SIN3A: variants seen among roughly 807,000 people sequenced by gnomAD.
SIN3A encodes SIN3 transcription regulator family member A.
In SIN3A, 14 loss-of-function variants were observed where a neutral mutation model predicts 146.1. The observed-to-expected ratio is 0.10, with a 90% confidence interval of 0.06 to 0.15. The LOEUF is 0.15. Among genes scored for constraint, SIN3A ranks in the 10% least tolerant of loss-of-function variants. The pLI is 1.00. For missense variants in SIN3A, 1,028 were observed against 1,576.0 expected, an observed-to-expected ratio of 0.65 and a Z score of 5.89; for synonymous variants, 572 against 572.0, an observed-to-expected ratio of 1.00 and a Z score of 0.00.
intron 2 of SIN3A, among the ~76,000 whole-genome samples, chr15:75,426,721 A>G (rs955550848): frequency 1.3e-5 from 2 of 152,112 alleles, no homozygotes; most frequent in South Asian, 2.1e-4. Context: ...CTTGAGTCCA[A>G]GAGTTCAAGA....
intron 15 of SIN3A, among the ~76,000 whole-genome samples, chr15:75,390,896 A>T (rs760919056): frequency 5.3e-5 from 8 of 152,216 alleles, no homozygotes; most frequent in Non-Finnish European, 1.2e-4. Context: ...ACTTCAACAA[A>T]AAGTTGACTA....
chr15:75,374,010 T>TA (rs1377354080), intron 20 of SIN3A, among the ~76,000 whole-genome samples: 1 of 152,182 alleles, frequency 6.6e-6, no homozygotes, highest in Non-Finnish European at 1.5e-5. Context: ...CTTTCAAACT[T>TA]AAAACAGCAC....
rs1347726791 is a variant in SIN3A, at chr15:75,400,064, A to G, written c.1830T>C (p.Tyr610=). 1 of 1,605,884 alleles carries G rather than the reference A, an allele frequency of 6.2e-7. No individual in the cohort carries two copies. The highest frequency in any genetic ancestry group is 8.5e-7 in the Non-Finnish European group (1 of 1,172,710). The change falls in exon 12 of 21, where the codon TAT becomes TAC. Residue 610 remains tyrosine (Y), a synonymous_variant. Transcript: ENST00000394947. ...SKKTQYEEHI[Y]RCEDERFELD... ...CCTCAAAGCGTTCATCTTCACAACG[A>G]TAAATATGTTCTTCATATTGAGTCT...
chr15:75,376,523 G>A (rs1186283076), intron 19 of SIN3A: 2 of 153,250 alleles, frequency 1.3e-5, no homozygotes. Flanking sequence ...AGTGAAAAAA[G>A]TTATCAGCTA....
intron 2 of SIN3A, 131 bp downstream of exon 2, chr15:75,430,052 CAGTT>C (rs775250663): frequency 2.2e-5 from 15 of 678,572 alleles, no homozygotes; most frequent in Non-Finnish European, 3.2e-5. Context: ...GGTGAGTACA[CAGTT>C]ATTTTTTTTT....
At chr15:75,395,634 G>C (rs940608617) in intron 13 of SIN3A, among the ~76,000 whole-genome samples, 1 of 152,090 alleles carries the variant, frequency 6.6e-6, no homozygotes. Context: ...GGTGTGGCTT[G>C]TGCCTGTAAT....
intron 19 of SIN3A, 133 bp from the exon 20 acceptor site, chr15:75,376,005 C>G: frequency 1.1e-6 from 1 of 876,722 alleles, no homozygotes; most frequent in South Asian, 1.6e-5. Flanking sequence ...CACAAATGTT[C>G]AGTTGTTTCA....
Position 75,433,414 on chromosome 15 carries a change from G to A in SIN3A, c.-33-3006C>T, listed in dbSNP as rs990271055. ...TTCTGATATCATACTCTATCTTTTG[G>A]CTGTTAAAATATCGTTTCTTTTATT... On this transcript the variant is annotated intron_variant, in intron 1 of 20. Transcript: ENST00000394947. Among the ~76,000 whole-genome samples, 15 of 152,108 alleles carry A rather than the reference G, an allele frequency of 9.9e-5. No homozygotes were observed. The Middle Eastern group carries it at 0.01, about 103-fold the overall frequency.
intron 1 of SIN3A, among the ~76,000 whole-genome samples, chr15:75,431,691 A>G (rs899257203): frequency 5.9e-5 from 9 of 152,092 alleles, no homozygotes; most frequent in Non-Finnish European, 1.3e-4. Context: ...AAGTCTACCC[A>G]AGATCTTTTC....
intron 3 of SIN3A, among the ~76,000 whole-genome samples, chr15:75,416,439 C>A (rs1360824721): frequency 4.6e-5 from 7 of 152,324 alleles, no homozygotes; most frequent in Admixed American, 2.6e-4. Flanking sequence ...GATTCTCTTG[C>A]CTCAGCCTCC....
At chr15:75,424,917 T>C (rs2073899750) in intron 2 of SIN3A, among the ~76,000 whole-genome samples, 1 of 152,202 alleles carries the variant, frequency 6.6e-6, no homozygotes, top group African/African-American at 2.4e-5. Flanking sequence ...ACTTCAACAA[T>C]GATATATATG....
chr15:75,404,909 C>T (rs765418625), intron 9 of SIN3A, among the ~76,000 whole-genome samples: 5 of 151,568 alleles, frequency 3.3e-5, no homozygotes, highest in South Asian at 2.1e-4. Flanking sequence ...ATGCTGAGGC[C>T]GAAGGAGGAG....
chr15:75,418,367 C>G (rs975809719), intron 3 of SIN3A, among the ~76,000 whole-genome samples: 16 of 152,198 alleles, frequency 1.1e-4, no homozygotes, highest in African/African-American at 3.9e-4. Flanking sequence ...ACTCTGTCAC[C>G]CAGGCTGGAG....
chr15:75,440,516 G>C (rs1287625351), intron 1 of SIN3A, among the ~76,000 whole-genome samples: 5 of 152,090 alleles, frequency 3.3e-5, no homozygotes, highest in Non-Finnish European at 7.4e-5. Context: ...ACAGGTGTGA[G>C]CCACCATGCC....
intron 1 of SIN3A, among the ~76,000 whole-genome samples, chr15:75,441,778 C>G (rs111801480): frequency 3.3e-5 from 5 of 152,144 alleles, no homozygotes; most frequent in African/African-American, 1.2e-4. Context: ...ATCTTCTTTG[C>G]TCCATAATCA....
rs973047978 is a variant in SIN3A, at chr15:75,370,028, C to T, written c.*1951G>A. 1.3e-5 allele frequency: 2 copies of T among 152,528 alleles called. No individual in the cohort carries two copies. The highest frequency in any genetic ancestry group is 2.9e-5 in the Non-Finnish European group (2 of 68,312). The allele number at this position is 152,528 out of a possible 1,614,324, so 9.4% of individuals were successfully genotyped here. On this transcript the variant is annotated 3_prime_UTR_variant, in exon 21 of 21. Transcript: ENST00000394947. Reference sequence around the variant, plus strand: ...ACTTTGCGAGGCCGAGGTGGGAGGACAGCTTGAGGCCAGGAGTTTGAGACC... The same window carrying T: ...ACTTTGCGAGGCCGAGGTGGGAGGATAGCTTGAGGCCAGGAGTTTGAGACC...
chr15:75,433,327 A>C (rs1730987637), intron 1 of SIN3A, among the ~76,000 whole-genome samples: 1 of 152,206 alleles, frequency 6.6e-6, no homozygotes, highest in African/African-American at 2.4e-5. Context: ...GAACCAGTCT[A>C]TAAGGAAAAA....
At chr15:75,435,481 T>C (rs964486685) in intron 1 of SIN3A, among the ~76,000 whole-genome samples, 2 of 152,288 alleles carry the variant, frequency 1.3e-5, no homozygotes, top group Non-Finnish European at 1.5e-5. Context: ...GTGGATCACC[T>C]GAGTTTGGGA....
At chr15:75,374,940 C>T (rs1245154648) in intron 20 of SIN3A, among the ~76,000 whole-genome samples, 3 of 152,166 alleles carry the variant, frequency 2.0e-5, no homozygotes, top group Non-Finnish European at 4.4e-5. Context: ...GTCCCAGGGC[C>T]TGGCATAACA....
Sources: allele counts gnomAD v4.1 joint callset (sites outside exome capture counted in the v4.1 genomes callset), GRCh38; gene constraint gnomAD v4.1.1; transcripts MANE v1.5; gene names NCBI Gene and HGNC (gene_info 2026-07-23, HGNC 2026-07-21).